The following ANKH variants were observed in gnomAD, a reference collection of about 807,000 sequenced individuals.
ANKH encodes the protein ANKH inorganic pyrophosphate transport regulator, also known as mineralization regulator ANKH.
A neutral mutation model predicts 49.0 loss-of-function variants in ANKH; 15 were observed. That is an observed-to-expected ratio of 0.31 (90% CI 0.20 to 0.47). ANKH has a LOEUF of 0.47. Among genes scored for constraint, ANKH ranks in the 20% least tolerant of loss-of-function variants. ANKH has a pLI of 1.00. For synonymous variants in ANKH, 273 were observed against 260.0 expected (o/e 1.05, Z -0.48); for missense variants, 429 against 652.0 (o/e 0.66, Z 3.72).
intron 1 of ANKH, among the ~76,000 whole-genome samples, chr5:14,857,805 A>G (rs1173828380): frequency 3.9e-5 from 6 of 152,234 alleles, no homozygotes; most frequent in African/African-American, 1.4e-4. Flanking sequence ...AAATAGCTTC[A>G]AGGGAGGGAA....
At chr5:14,800,691 T>C (rs184543009) in intron 1 of ANKH, among the ~76,000 whole-genome samples, 71 of 152,238 alleles carry the variant, frequency 4.7e-4, no homozygotes, top group African/African-American at 1.7e-3. Context: ...GCACACTTAA[T>C]TGACTATAGT....
intron 3 of ANKH, among the ~76,000 whole-genome samples, chr5:14,756,362 C>T (rs776867296): frequency 1.5e-4 from 23 of 152,136 alleles, no homozygotes; most frequent in Admixed American, 2.6e-4. Flanking sequence ...CAGTCATTAC[C>T]GGTGCTCACT....
At chr5:14,774,122 G>A (rs1248718532) in intron 1 of ANKH, among the ~76,000 whole-genome samples, 1 of 152,088 alleles carries the variant, frequency 6.6e-6, no homozygotes. Context: ...TGGAGCAAAC[G>A]TTTCCCCCAG....
chr5:14,776,746 C>T lies in ANKH; in HGVS notation c.97-7555G>A, dbSNP rs113357113. On this transcript the variant is annotated intron_variant, in intron 1 of 11. Coordinates refer to ENST00000284268, the MANE Select transcript of ANKH (RefSeq NM_054027.6). ...AGCATGAATTAGGCCTCGAGGCAGA[C>T]GGCCAAGACATTCACCAGGGCAGAG... Among the ~76,000 whole-genome samples, 20 of 152,312 alleles carry T rather than the reference C, an allele frequency of 1.3e-4. 1 individual carries two copies. Among genetic ancestry groups the T allele is most frequent in the African/African-American group, 4.1e-4 (17 of 41,554 alleles).
intron 8 of ANKH, 94 bp downstream of exon 8, chr5:14,741,733 T>C (rs1175221966): frequency 1.3e-5 from 11 of 875,784 alleles, no homozygotes; most frequent in Non-Finnish European, 1.7e-5. Context: ...TCACATTACA[T>C]TGTGGAAAAT....
chr5:14,734,681 C>T lies in ANKH; in HGVS notation c.1011+7146G>A, dbSNP rs547855972. Among the ~76,000 whole-genome samples the T allele has an allele frequency of 3.3e-5, 5 of 152,294 alleles. No individual in the cohort carries two copies. In the South Asian group the frequency reaches 6.2e-4, roughly 19 times the overall value. On this transcript the variant is annotated intron_variant, in intron 8 of 11. Transcript: ENST00000284268. ...GGCTCAGAGGGGCTGGTGAGCAGTGCGTGTCTGCAGGCCCAGGGTATAAAC... is the reference window on the plus strand; with the variant it reads ...GGCTCAGAGGGGCTGGTGAGCAGTGTGTGTCTGCAGGCCCAGGGTATAAAC...
rs889380003 is a variant in ANKH at position 14,708,359 on chromosome 5, C to G, written c.*2838G>C. 2.0e-5 allele frequency: 3 copies of G among 152,194 alleles called. No individual in the cohort carries two copies. The highest frequency in any genetic ancestry group is 7.2e-5 in the African/African-American group (3 of 41,442). The allele number at this position is 152,194 out of a possible 1,614,324, so 9.4% of individuals were successfully genotyped here. A position where few individuals can be genotyped will look rare whatever the true frequency, so the allele number is the denominator to read the frequency against. ...CACTCAGTTTTGGAGAAAGTCACACCTGGTCTTTCCCTGGTCTTTGACATG... is the reference window on the plus strand; with the variant it reads ...CACTCAGTTTTGGAGAAAGTCACACGTGGTCTTTCCCTGGTCTTTGACATG... On this transcript the variant is annotated 3_prime_UTR_variant, in exon 12 of 12. Transcript: ENST00000284268.
rs1737093718 is a variant in ANKH, at chr5:14,709,851, T to C, written c.*1346A>G. ...AGACATTTTATTGAAAATGCGAAAA[T>C]AGGAAATGTATTATAGCCTAAAATA... is the stretch of plus-strand genomic sequence containing the variant. On this transcript the variant is annotated 3_prime_UTR_variant, in exon 12 of 12. Transcript: ENST00000284268. 6.6e-6 allele frequency: 1 copy of C among 152,606 alleles called. No individual in the cohort carries two copies. Among genetic ancestry groups the C allele is most frequent in the African/African-American group, 2.4e-5 (1 of 41,454 alleles). 9.5% of individuals were successfully genotyped at this position (152,606 alleles called of 1,614,324 possible). A position where few individuals can be genotyped will look rare whatever the true frequency, so the allele number is the denominator to read the frequency against.
At chr5:14,840,858 G>A (rs1741795072) in intron 1 of ANKH, among the ~76,000 whole-genome samples, 1 of 152,208 alleles carries the variant, frequency 6.6e-6, no homozygotes, top group African/African-American at 2.4e-5. Context: ...GACTGCAAGG[G>A]CATCTATGGA....
At chr5:14,868,298 C>T (rs571004524) in intron 1 of ANKH, 1 of 152,134 alleles carries the variant, frequency 6.6e-6, no homozygotes, top group Admixed American at 6.5e-5. Flanking sequence ...TAAAACACCT[C>T]ATCTAAGAAA....
At chr5:14,794,899 C>T (rs1209643353) in intron 1 of ANKH, among the ~76,000 whole-genome samples, 8 of 152,208 alleles carry the variant, frequency 5.3e-5, no homozygotes, top group Admixed American at 3.9e-4. Context: ...AACGGAATTC[C>T]GTTGGTGCTT....
Position 14,769,002 on chromosome 5 carries a change from T to C in ANKH, c.286A>G (p.Ile96Val). Reference sequence around the variant, plus strand: ...ATCAGTGTGTGAAAGACGGCAGCGATGGCCCCTGCCACCACCATACACAGG... The same window carrying C: ...ATCAGTGTGTGAAAGACGGCAGCGACGGCCCCTGCCACCACCATACACAGG... ...AVLCMVVAGA[I>V]AAVFHTLIAY... Residue 96 changes from isoleucine (I) to valine (V), a missense_variant, in exon 2 of 12, where the codon ATC (isoleucine) becomes GTC (valine). By Grantham distance (29) the Ile-to-Val change is conservative. Coordinates refer to ENST00000284268, the MANE Select transcript of ANKH (RefSeq NM_054027.6). 1 of 1,614,228 alleles carries C rather than the reference T, an allele frequency of 6.2e-7. No individual in the cohort carries two copies. The highest frequency in any genetic ancestry group is 8.5e-7 in the Non-Finnish European group (1 of 1,180,034).
chr5:14,821,656 G>C (rs780502102), intron 1 of ANKH, among the ~76,000 whole-genome samples: 8 of 152,206 alleles, frequency 5.3e-5, no homozygotes, highest in Non-Finnish European at 1.2e-4. Flanking sequence ...AGGGGAAAAA[G>C]CTTGATACAG....
intron 1 of ANKH, among the ~76,000 whole-genome samples, chr5:14,819,920 C>T (rs1477862126): frequency 6.6e-6 from 1 of 151,586 alleles, no homozygotes; most frequent in East Asian, 1.9e-4. Context: ...CACACACACA[C>T]ACACACACAC....
intron 1 of ANKH, among the ~76,000 whole-genome samples, chr5:14,858,385 C>T (rs3006070): frequency 0.48 from 73,419 of 151,960 alleles, 18,633 homozygotes; most frequent in African/African-American, 0.65. Flanking sequence ...AAATTGCCTA[C>T]GATAAAAAGT....
chr5:14,711,333 G>A, intron 11 of ANKH, 23 bp from the exon 12 acceptor site: 2 of 1,600,198 alleles, frequency 1.2e-6, no homozygotes, highest in Non-Finnish European at 1.7e-6. Context: ...AGACTCATCA[G>A]TGTGGGGCTG....
chr5:14,763,869 A>G (rs1739173102), intron 2 of ANKH, among the ~76,000 whole-genome samples: 1 of 152,046 alleles, frequency 6.6e-6, no homozygotes, highest in African/African-American at 2.4e-5. Context: ...CGGGTGGATC[A>G]CCTGAGGTCT....
At position 14,705,408 on chromosome 5, in the gene ANKH, G is replaced by C. The variant is rs1736909995; in HGVS notation, c.*5789C>G. The C allele has an allele frequency of 6.6e-6, 1 of 152,176 alleles. No individual in the cohort carries two copies. The highest frequency in any genetic ancestry group is 2.1e-4 in the South Asian group (1 of 4,838). The allele number at this position is 152,176 out of a possible 1,614,324, so 9.4% of individuals were successfully genotyped here. On this transcript the variant is annotated 3_prime_UTR_variant, in exon 12 of 12. Transcript: ENST00000284268. ...ATCCTAGATCATAAACAGAATGTTA[G>C]ATCAGGAAGGGGCCTTAGCAATAAT...
intron 8 of ANKH, among the ~76,000 whole-genome samples, chr5:14,729,553 C>T (rs1489418405): frequency 2.0e-5 from 3 of 152,162 alleles, no homozygotes; most frequent in South Asian, 4.2e-4. Flanking sequence ...AGACAGGACC[C>T]CAAACCTCTG....
Sources: gnomAD v4.1 joint callset for allele counts (sites outside exome capture counted in the v4.1 genomes callset) on GRCh38, gnomAD v4.1.1 for gene constraint, MANE v1.5 for transcripts, NCBI Gene and HGNC (gene_info 2026-07-23, HGNC 2026-07-21) for gene names.